The following TLN2 variants were observed in gnomAD, a reference collection of about 807,000 sequenced individuals.
TLN2 encodes talin-2.
Under a neutral mutation model 294.7 loss-of-function variants are expected in TLN2, and 118 were observed. The ratio of observed to expected loss-of-function variants is 0.40; its 90% CI spans 0.34 to 0.47. The LOEUF is 0.47. Among genes scored for constraint, TLN2 ranks in the 20% least tolerant of loss-of-function variants. The pLI is 0.84. For synonymous variants in TLN2, 1,431 were observed against 1,304.5 expected, an observed-to-expected ratio of 1.10 and a Z score of -2.09; for missense variants, 3,083 against 3,282.2, an observed-to-expected ratio of 0.94 and a Z score of 1.48.
intron 1 of TLN2, among the ~76,000 whole-genome samples, chr15:62,414,163 A>ATAT (rs1555404130): frequency 8.0e-5 from 3 of 37,364 alleles, no homozygotes; most frequent in African/African-American, 2.0e-4. Flanking sequence ...AAAAAAAAAA[A>ATAT]CTATATATAT....
intron 9 of TLN2, among the ~76,000 whole-genome samples, chr15:62,658,393 C>T (rs1351377875): frequency 6.6e-6 from 1 of 152,122 alleles, no homozygotes; most frequent in Non-Finnish European, 1.5e-5. Context: ...CCCAGTTTCA[C>T]TTTGGTGGAA....
At chr15:62,719,989 G>C (rs148881534) in intron 25 of TLN2, 109 bp downstream of exon 25, 1 of 806,582 alleles carries the variant, frequency 1.2e-6, no homozygotes, top group Non-Finnish European at 1.8e-6. Flanking sequence ...AAGTCTTTGC[G>C]GTAGGCAGGG....
intron 1 of TLN2, among the ~76,000 whole-genome samples, chr15:62,496,324 T>C (rs2039013658): frequency 6.6e-6 from 1 of 151,960 alleles, no homozygotes; most frequent in Non-Finnish European, 1.5e-5. Flanking sequence ...TTCACAAGCC[T>C]GGCTGTGCCT....
At chr15:62,728,209 A>G (rs2060539036) in intron 28 of TLN2, among the ~76,000 whole-genome samples, 1 of 152,048 alleles carries the variant, frequency 6.6e-6, no homozygotes, top group East Asian at 1.9e-4. Context: ...CCTGTTTTTG[A>G]GCTGTAAGTA....
intron 1 of TLN2, among the ~76,000 whole-genome samples, chr15:62,553,810 T>C (rs939325283): frequency 6.6e-6 from 1 of 152,198 alleles, no homozygotes; most frequent in Non-Finnish European, 1.5e-5. Flanking sequence ...TTCCTTATTA[T>C]TTATAAAATA....
intron 1 of TLN2, among the ~76,000 whole-genome samples, chr15:62,397,047 G>A (rs1261515668): frequency 7.2e-5 from 11 of 152,084 alleles, no homozygotes; most frequent in Non-Finnish European, 1.5e-4. Context: ...CTCAAACTTG[G>A]TTTTCCTAAT....
intron 52 of TLN2, among the ~76,000 whole-genome samples, chr15:62,810,511 G>T (rs946576532): frequency 6.6e-6 from 1 of 152,116 alleles, no homozygotes; most frequent in Admixed American, 6.5e-5. Context: ...CGAATGAATG[G>T]CTTAGATCCC....
intron 1 of TLN2, chr15:62,561,399 C>T (rs1371006244): frequency 3.9e-5 from 6 of 152,354 alleles, no homozygotes; most frequent in Admixed American, 3.3e-4. Context: ...TAACAGCTAA[C>T]GCCTTCGCGA....
At chr15:62,718,830 C>T (rs1474052361) in intron 24 of TLN2, among the ~76,000 whole-genome samples, 1 of 152,114 alleles carries the variant, frequency 6.6e-6, no homozygotes, top group African/African-American at 2.4e-5. Context: ...CCCTCTTCTG[C>T]AGAGAGACTG....
chr15:62,766,528 T>C, intron 41 of TLN2, 106 bp downstream of exon 41: 1 of 1,049,248 alleles, frequency 9.5e-7, no homozygotes, highest in Non-Finnish European at 1.4e-6. Context: ...GTGCAAGTAT[T>C]GTGCCTGAGT....
At chr15:62,644,374 A>G (rs1308801042) in intron 3 of TLN2, 3 of 391,268 alleles carry the variant, frequency 7.7e-6, no homozygotes, top group Non-Finnish European at 1.5e-5. Flanking sequence ...CCAATTCAGA[A>G]TGTTGTTCCC....
At chr15:62,829,227 C>G (rs1042107231) in intron 54 of TLN2, 2 of 150,256 alleles carry the variant, frequency 1.3e-5, no homozygotes, top group Non-Finnish European at 3.0e-5. Flanking sequence ...TTAGCTTGTT[C>G]TCACACAACT....
At chr15:62,618,704 G>A (rs1356334140) in intron 3 of TLN2, among the ~76,000 whole-genome samples, 3 of 152,160 alleles carry the variant, frequency 2.0e-5, no homozygotes, top group Non-Finnish European at 4.4e-5. Flanking sequence ...TATGAAGGTG[G>A]TTGATTCCTC....
At position 62,761,665 on chromosome 15, in the gene TLN2, T is replaced by C; in HGVS notation, c.4639-16T>C. ...GCTTCTCAATTGGGCAGAATCTCCCTGTTTTCTCCCATCAGGCCCTGGATG... is the reference window on the plus strand; with the variant it reads ...GCTTCTCAATTGGGCAGAATCTCCCCGTTTTCTCCCATCAGGCCCTGGATG... On this transcript the variant is annotated splice_polypyrimidine_tract_variant and intron_variant, in intron 37 of 58. Coordinates refer to ENST00000636159, the MANE Select transcript of TLN2 (RefSeq NM_015059.3). 8 of 1,614,072 alleles carry C rather than the reference T, an allele frequency of 5.0e-6. No individual in the cohort carries two copies. The highest frequency in any genetic ancestry group is 6.8e-6 in the Non-Finnish European group (8 of 1,179,960).
chr15:62,636,045 C>T (rs1381190010), intron 3 of TLN2, among the ~76,000 whole-genome samples: 1 of 152,114 alleles, frequency 6.6e-6, no homozygotes, highest in African/African-American at 2.4e-5. Flanking sequence ...AGTGCCTTAA[C>T]ATAAAAAGGG....
At chr15:62,512,535 G>A (rs2140454803) in intron 1 of TLN2, among the ~76,000 whole-genome samples, 1 of 152,232 alleles carries the variant, frequency 6.6e-6, no homozygotes, top group South Asian at 2.1e-4. Flanking sequence ...GATACTTATA[G>A]TAGACTTAAA....
intron 3 of TLN2, among the ~76,000 whole-genome samples, chr15:62,636,478 C>G (rs2050398165): frequency 6.6e-6 from 1 of 152,074 alleles, no homozygotes; most frequent in Non-Finnish European, 1.5e-5. Flanking sequence ...TTTCAGTTCT[C>G]CAAATATATG....
chr15:62,699,534 C>T (rs143466052), intron 16 of TLN2, among the ~76,000 whole-genome samples: 47 of 152,210 alleles, frequency 3.1e-4, no homozygotes, highest in African/African-American at 1.1e-3. Flanking sequence ...GGGTGATTAA[C>T]CCAGAGATCT....
In TLN2 at chr15:62,667,424, T is replaced by C. The variant is rs188009244; in HGVS notation, c.789-6403T>C. Reference sequence around the variant, plus strand: ...GGATCCTGGGTGTTCCAGCATCCTTTGGGTGATGCTGTCCCTATTGTACCT... The same window carrying C: ...GGATCCTGGGTGTTCCAGCATCCTTCGGGTGATGCTGTCCCTATTGTACCT... On this transcript the variant is annotated intron_variant, in intron 9 of 58. Transcript: ENST00000636159. Among the ~76,000 whole-genome samples, 344 of 152,282 alleles carry C rather than the reference T, an allele frequency of 2.3e-3. 1 individual carries two copies. The highest frequency in any genetic ancestry group is 7.6e-3 in the African/African-American group (318 of 41,572).
Sources: allele counts gnomAD v4.1 joint callset (sites outside exome capture counted in the v4.1 genomes callset), GRCh38; gene constraint gnomAD v4.1.1; transcripts MANE v1.5; gene names NCBI Gene and HGNC (gene_info 2026-07-23, HGNC 2026-07-21).